The following TRRAP variants were observed in gnomAD, a reference collection of about 807,000 sequenced individuals.
TRRAP encodes transformation/transcription domain associated protein.
In TRRAP, 41 loss-of-function variants were observed where a neutral mutation model predicts 438.8. That is an observed-to-expected ratio of 0.09 (90% CI 0.07 to 0.12). The LOEUF is 0.12. TRRAP is among the 10% of genes least tolerant of loss of function. The probability of loss-of-function intolerance (pLI) is 1.00; values close to 1 mark genes in which losing one functional copy is unlikely to be tolerated. For missense variants in TRRAP, 3,122 were observed against 5,055.1 expected (o/e 0.62, Z 11.60); for synonymous variants, 1,994 against 1,962.9 (o/e 1.02, Z -0.42).
At position 98,961,330 on chromosome 7, in the gene TRRAP, G is replaced by A. The variant is rs1208831016; in HGVS notation, c.6559G>A (p.Val2187Ile). Reference protein sequence around the residue: ...GLEVLSFLLTVLQSPAILSSF... With the variant: ...GLEVLSFLLTILQSPAILSSF... ...AGAAGTGCTGAGCTTCCTGCTAACT[G>A]TCCTCCAGTCCCCAGCCATCCTCAG... is the stretch of plus-strand genomic sequence containing the variant. Residue 2187 changes from valine to isoleucine, a missense_variant, in exon 46 of 73, where the codon GTC (valine) becomes ATC (isoleucine). By Grantham distance (29) the Val-to-Ile change is conservative (BLOSUM62 3). Around this residue, in one of 24 missense-constraint regions of TRRAP, gnomAD observed 992 missense variants for 1,281.2 expected, o/e 0.77. Transcript: ENST00000456197. The A allele has an allele frequency of 6.2e-7, 1 of 1,614,080 alleles. No individual in the cohort carries two copies. The highest frequency in any genetic ancestry group is 8.5e-7 in the Non-Finnish European group (1 of 1,180,042).
rs1584358757 is a variant in TRRAP at position 98,956,955 on chromosome 7, C to T, written c.6231+422C>T. ...GCCCTAGGAGCCCTGAGTCTGACCC[C>T]AGCTGGTGTCATGGACCTGCTGGCT... is the stretch of plus-strand genomic sequence containing the variant. On this transcript the variant is annotated intron_variant, in intron 43 of 72. Coordinates refer to ENST00000456197, the MANE Select transcript of TRRAP (RefSeq NM_001375524.1). This position sits in a 1 kb window ranked among gnomAD's most constrained non-coding sequence, Gnocchi z 4.5. 6.6e-6 allele frequency among the ~76,000 whole-genome samples: 1 copy of T among 152,012 alleles called. No individual in the cohort carries two copies. The highest frequency in any genetic ancestry group is 6.5e-5 in the Admixed American group (1 of 15,272).
chr7:98,940,447 A>G (rs766658802), intron 30 of TRRAP, among the ~76,000 whole-genome samples: 8 of 152,122 alleles, frequency 5.3e-5, no homozygotes, highest in Non-Finnish European at 7.4e-5. Flanking sequence ...CGCCTGGCCC[A>G]GCCTGTTTAT....
Position 99,011,666 on chromosome 7 carries a change from T to C in TRRAP, c.11337+131T>C, listed in dbSNP as rs1794433361. Reference sequence around the variant, plus strand: ...CTCCACAGTGGCCAGCACCCCTGTGTGTTATGTCCTTTGCTGTGAGGGCAA... The same window carrying C: ...CTCCACAGTGGCCAGCACCCCTGTGCGTTATGTCCTTTGCTGTGAGGGCAA... On this transcript the variant is annotated intron_variant, in intron 72 of 72. Coordinates refer to ENST00000456197, the MANE Select transcript of TRRAP (RefSeq NM_001375524.1). This position sits in a 1 kb window ranked among gnomAD's most constrained non-coding sequence, Gnocchi z 7.1. 1 of 1,068,026 alleles carries C rather than the reference T, an allele frequency of 9.4e-7. No homozygotes were observed. Among genetic ancestry groups the C allele is most frequent in the Admixed American group, 2.8e-5 (1 of 35,650 alleles). 66.2% of individuals were successfully genotyped at this position (1,068,026 alleles called of 1,614,324 possible).
intron 6 of TRRAP, 148 bp from the exon 7 acceptor site, chr7:98,895,616 C>T: frequency 3.9e-6 from 2 of 517,944 alleles, no homozygotes; most frequent in South Asian, 3.9e-5. Flanking sequence ...TGTTTACATC[C>T]ATTGCCTATT....
In TRRAP at chr7:98,948,710, CAG is replaced by C. The variant is rs782357185; in HGVS notation, c.4788+26_4788+27del. 22 of 1,613,834 alleles carry C rather than the reference CAG, an allele frequency of 1.4e-5. No individual in the cohort carries two copies. The highest frequency in any genetic ancestry group is 2.7e-5 in the African/African-American group (2 of 74,914). On this transcript the variant is annotated intron_variant, in intron 35 of 72. Transcript: ENST00000456197. The surrounding 1 kb of genome is among the most constrained non-coding windows in gnomAD (Gnocchi z 4.9). ...GGTAAGAGCTGTGAGCAGCTGGAGT[CAG>C]GGGTCCCTTCAAATGCTTGTGAGCT...
intron 30 of TRRAP, among the ~76,000 whole-genome samples, chr7:98,938,701 G>C (rs915642743): frequency 9.2e-5 from 14 of 152,140 alleles, no homozygotes; most frequent in African/African-American, 3.4e-4. Context: ...GGCCTCACTG[G>C]TGAACATTTA....
intron 31 of TRRAP, among the ~76,000 whole-genome samples, chr7:98,944,855 A>G (rs1790972647): frequency 6.6e-6 from 1 of 152,014 alleles, no homozygotes; most frequent in Admixed American, 6.6e-5. Context: ...CCCAGCCTGG[A>G]GTGCAATAGC....
intron 39 of TRRAP, 28 bp from the exon 40 acceptor site, chr7:98,953,139 A>G: frequency 2.5e-6 from 4 of 1,597,972 alleles, no homozygotes; most frequent in South Asian, 1.1e-5. Context: ...ACAACTGGAA[A>G]TGAGTCCTTC....
intron 23 of TRRAP, among the ~76,000 whole-genome samples, chr7:98,929,085 C>T (rs1290619863): frequency 1.3e-5 from 2 of 151,646 alleles, no homozygotes; most frequent in Non-Finnish European, 2.9e-5. Context: ...ATTACAGGCA[C>T]CTACCACCAC....
At chr7:98,885,240 A>G (rs1226927723) in intron 3 of TRRAP, among the ~76,000 whole-genome samples, 2 of 142,048 alleles carry the variant, frequency 1.4e-5, no homozygotes, top group Admixed American at 7.7e-5. Context: ...GATGCAAGAC[A>G]CTATGCTTGG....
At chr7:98,999,272 G>A (rs766110925) in intron 67 of TRRAP, 113 of 1,182,702 alleles carry the variant, frequency 9.6e-5, no homozygotes, top group Non-Finnish European at 1.2e-4. Flanking sequence ...AACAGATGTC[G>A]TACAGGAACA....
chr7:98,881,743 G>A (rs781810539), intron 2 of TRRAP: 4 of 474,288 alleles, frequency 8.4e-6, no homozygotes, highest in Non-Finnish European at 1.1e-5. Flanking sequence ...AGAGGCACGT[G>A]TGTGTGTTTG....
Position 98,908,983 on chromosome 7 carries a change from A to T in TRRAP, c.1350+21A>T. The T allele has an allele frequency of 1.3e-6, 2 of 1,581,470 alleles. No individual in the cohort carries two copies. The highest frequency in any genetic ancestry group is 1.7e-6 in the Non-Finnish European group (2 of 1,155,136). ...TGGAGGTACCAGCTCTTCTGAGAGT[A>T]TCATCCATCCTGCACTCTATCCTGT... On this transcript the variant is annotated intron_variant, in intron 14 of 72. Transcript: ENST00000456197. This position sits in a 1 kb window ranked among gnomAD's most constrained non-coding sequence, Gnocchi z 4.1.
At chr7:98,962,735 A>G (rs551225254) in intron 47 of TRRAP, among the ~76,000 whole-genome samples, 17 of 152,370 alleles carry the variant, frequency 1.1e-4, no homozygotes, top group South Asian at 1.0e-3. Flanking sequence ...CAAGAGCTAC[A>G]TGACAATGTG....
intron 21 of TRRAP, among the ~76,000 whole-genome samples, chr7:98,924,800 G>T (rs371007471): frequency 6.6e-6 from 1 of 150,550 alleles, no homozygotes; most frequent in East Asian, 2.0e-4. Context: ...TCAGGAGATC[G>T]AGACCATCCT....
intron 23 of TRRAP, among the ~76,000 whole-genome samples, chr7:98,927,575 A>C (rs886238953): frequency 6.6e-6 from 1 of 152,122 alleles, no homozygotes; most frequent in African/African-American, 2.4e-5. Context: ...ACTACCTACC[A>C]AGTTTTGTTT....
At chr7:98,909,030 T>A (rs546779683) in intron 14 of TRRAP, 68 bp downstream of exon 14, 1 of 1,435,546 alleles carries the variant, frequency 7.0e-7, no homozygotes, top group South Asian at 1.4e-5. Flanking sequence ...TTTTTTTTTT[T>A]TTTTTTTTTT....
intron 47 of TRRAP, among the ~76,000 whole-genome samples, chr7:98,963,604 G>A (rs367706213): frequency 3.9e-5 from 6 of 152,124 alleles, no homozygotes; most frequent in African/African-American, 1.4e-4. Flanking sequence ...CATAGCACTC[G>A]GGAACCACAG....
intron 5 of TRRAP, 94 bp downstream of exon 5, chr7:98,892,622 A>T: frequency 9.3e-7 from 1 of 1,078,536 alleles, no homozygotes; most frequent in Non-Finnish European, 1.3e-6. Flanking sequence ...CAACTGTTTT[A>T]TCTTTCTCCC....
Sources: gnomAD v4.1 joint callset for allele counts (sites outside exome capture counted in the v4.1 genomes callset) on GRCh38, gnomAD v4.1.1 for gene constraint, gnomAD v4.1.1 regional missense constraint, Gnocchi (gnomAD v3.1) non-coding constraint, MANE v1.5 for transcripts, NCBI Gene and HGNC (gene_info 2026-07-23, HGNC 2026-07-21) for gene names.